Variants in CHRM1 observed in about 807,000 individuals in gnomAD.
The protein encoded by CHRM1 is muscarinic acetylcholine receptor M1.
CHRM1 carries 5 observed loss-of-function variants against 31.6 expected under a neutral mutation model. The ratio of observed to expected loss-of-function variants is 0.16; its 90% CI spans 0.08 to 0.33. CHRM1 has a LOEUF of 0.33. CHRM1 is among the 10% of genes least tolerant of loss of function. The pLI is 1.00. For missense variants in CHRM1, 338 were observed against 610.3 expected, an observed-to-expected ratio of 0.55 and a Z score of 4.70; for synonymous variants, 227 against 249.7, an observed-to-expected ratio of 0.91 and a Z score of 0.86.
In CHRM1 at chr11:62,909,590, G is replaced by T; in HGVS notation, c.*128C>A. 8.5e-7 allele frequency: 1 copy of T among 1,174,540 alleles called. No individual in the cohort carries two copies. Among genetic ancestry groups the T allele is most frequent in the Non-Finnish European group, 1.2e-6 (1 of 836,238 alleles). 72.8% of individuals were successfully genotyped at this position (1,174,540 alleles called of 1,614,324 possible). On this transcript the variant is annotated 3_prime_UTR_variant, in exon 2 of 2. Coordinates refer to ENST00000306960, the MANE Select transcript of CHRM1 (RefSeq NM_000738.3). ...AGGGTCTCTCTGGGCTGCCCAGGAAGGTGACCCAGGGTCCTGGGAAGCCAG... is the reference window on the plus strand; with the variant it reads ...AGGGTCTCTCTGGGCTGCCCAGGAATGTGACCCAGGGTCCTGGGAAGCCAG...
In CHRM1 at chr11:62,910,253, C is replaced by A. The variant is rs772689016; in HGVS notation, c.848G>T (p.Gly283Val). 7 of 1,613,396 alleles carry A rather than the reference C, an allele frequency of 4.3e-6. No individual in the cohort carries two copies. The South Asian group carries it at 6.6e-5, about 15-fold the overall frequency. ...SWKEEEEEDE[G>V]SMESLTSSEG... ...TGAGGATGTGAGGGACTCCATGGAG[C>A]CTTCGTCCTCTTCCTCTTCTTCCTT... The change falls in exon 2 of 2, where the codon GGC becomes GTC. Residue 283 changes from glycine to valine, a missense_variant. Transcript: ENST00000306960. The surrounding 1 kb of genome is among the most constrained non-coding windows in gnomAD (Gnocchi z 8.7).
At chr11:62,912,940 T>G (rs2085879664) in intron 1 of CHRM1, among the ~76,000 whole-genome samples, 1 of 152,116 alleles carries the variant, frequency 6.6e-6, no homozygotes, top group Non-Finnish European at 1.5e-5. Context: ...CCTGGGTGGT[T>G]TGTGGCTGAG....
chr11:62,920,522 G>C (rs1305284728), intron 1 of CHRM1, among the ~76,000 whole-genome samples: 3 of 152,128 alleles, frequency 2.0e-5, no homozygotes, highest in African/African-American at 7.2e-5. Context: ...GGGAGCCCAA[G>C]ATACTAGAAA....
rs1467731215 is a variant in CHRM1 at position 62,909,965 on chromosome 11, G to A, written c.1136C>T (p.Thr379Ile). 6.2e-7 allele frequency: 1 copy of A among 1,614,196 alleles called. No homozygotes were observed. Among genetic ancestry groups the A allele is most frequent in the Non-Finnish European group, 8.5e-7 (1 of 1,180,024 alleles). Reference protein sequence around the residue: ...AILLAFILTWTPYNIMVLVST... With the variant: ...AILLAFILTWIPYNIMVLVST... ...CACCAGCACCATGATGTTGTACGGT[G>A]TCCAGGTGAGGATGAAGGCCAGGAG... The change falls in exon 2 of 2, where the codon ACA becomes ATA. Residue 379 changes from threonine (T) to isoleucine (I), a missense_variant. Physicochemically the swap from Thr to Ile is moderately conservative, Grantham distance 89. Transcript: ENST00000306960.
chr11:62,915,673 G>A (rs995610696), intron 1 of CHRM1, among the ~76,000 whole-genome samples: 47 of 152,248 alleles, frequency 3.1e-4, no homozygotes, highest in African/African-American at 1.0e-3. Context: ...AGCCTTCCTT[G>A]CTGTGTGACC....
intron 1 of CHRM1, among the ~76,000 whole-genome samples, chr11:62,915,514 T>A (rs1333942176): frequency 6.6e-6 from 1 of 152,206 alleles, no homozygotes; most frequent in Non-Finnish European, 1.5e-5. Context: ...CTATTTGATT[T>A]AAAAAAATAT....
intron 1 of CHRM1, chr11:62,916,919 T>C (rs1437047940): frequency 1.3e-5 from 2 of 152,262 alleles, no homozygotes; most frequent in African/African-American, 2.4e-5. Context: ...TTCCAGAGAA[T>C]TGGAACCTGA....
Position 62,910,112 on chromosome 11 carries a change from G to T in CHRM1, c.989C>A (p.Thr330Asn). Residue 330 changes from threonine to asparagine, a missense_variant, in exon 2 of 2, where the codon ACT becomes AAT. Thr to Asn is a moderately conservative substitution (Grantham distance 65). Transcript: ENST00000306960. The surrounding 1 kb of genome is among the most constrained non-coding windows in gnomAD (Gnocchi z 8.7). Reference protein sequence around the residue: ...RSSPNTVKRPTKKGRDRAGKG... With the variant: ...RSSPNTVKRPNKKGRDRAGKG... ...GCCAGCTCGATCACGCCCTTTCTTA[G>T]TCGGCCTCTTGACTGTATTTGGGGA... 1 of 1,611,438 alleles carries T rather than the reference G, an allele frequency of 6.2e-7. No homozygotes were observed. The highest frequency in any genetic ancestry group is 1.1e-5 in the South Asian group (1 of 90,830).
intron 1 of CHRM1, among the ~76,000 whole-genome samples, chr11:62,914,028 C>T (rs1338211895): frequency 4.6e-5 from 7 of 152,080 alleles, no homozygotes; most frequent in East Asian, 1.9e-4. Flanking sequence ...CTGCAACCTC[C>T]GCCTCCGGGT....
chr11:62,909,634 C>A lies in CHRM1; in HGVS notation c.*84G>T. On this transcript the variant is annotated 3_prime_UTR_variant, in exon 2 of 2. Transcript: ENST00000306960. ...AAGCCAGGTGAGGCCTGAGCAGGGC[C>A]CTGGGGCTGAGGATGCAGCCCCTGC... 6.6e-7 allele frequency: 1 copy of A among 1,514,176 alleles called. No homozygotes were observed. The highest frequency in any genetic ancestry group is 8.9e-7 in the Non-Finnish European group (1 of 1,117,544). 93.8% of individuals were successfully genotyped at this position (1,514,176 alleles called of 1,614,324 possible). A position where few individuals can be genotyped will look rare whatever the true frequency, so the allele number is the denominator to read the frequency against.
Position 62,910,408 on chromosome 11 carries a change from T to C in CHRM1, c.693A>G (p.Pro231=). 1.2e-6 allele frequency: 2 copies of C among 1,612,322 alleles called. No homozygotes were observed. Among genetic ancestry groups the C allele is most frequent in the Non-Finnish European group, 1.7e-6 (2 of 1,180,006 alleles). The change falls in exon 2 of 2, where the codon CCA becomes CCG. Residue 231 remains proline (P), a synonymous_variant. Transcript: ENST00000306960. This position sits in a 1 kb window ranked among gnomAD's most constrained non-coding sequence, Gnocchi z 8.7. Reference sequence around the variant, plus strand: ...TGCTGCTGCTGCCACCCCCTTTGCCTGGCGTCTCGGAGCCCTGAAGGGCTG... The same window carrying C: ...TGCTGCTGCTGCCACCCCCTTTGCCCGGCGTCTCGGAGCCCTGAAGGGCTG... ...ELAALQGSET[P]GKGGGSSSSS...
At chr11:62,916,185 C>G (rs1011386634) in intron 1 of CHRM1, among the ~76,000 whole-genome samples, 1 of 152,192 alleles carries the variant, frequency 6.6e-6, no homozygotes, top group Admixed American at 6.5e-5. Context: ...CTCCAGACCC[C>G]AGGCACGACC....
Position 62,909,666 on chromosome 11 carries a change from C to T in CHRM1, c.*52G>A, listed in dbSNP as rs1369008009. On this transcript the variant is annotated 3_prime_UTR_variant, in exon 2 of 2. Transcript: ENST00000306960. ...CTGAGGATGCAGCCCCTGCCCTCTT[C>T]CCACCGGCCTTTCCCGGGGACTGGG... 2 of 1,583,290 alleles carry T rather than the reference C, an allele frequency of 1.3e-6. No individual in the cohort carries two copies. The highest frequency in any genetic ancestry group is 8.6e-7 in the Non-Finnish European group (1 of 1,164,216).
chr11:62,910,426 A>C lies in CHRM1; in HGVS notation c.675T>G (p.Leu225=). The change falls in exon 2 of 2, where the codon CTT becomes CTG. Residue 225 remains leucine (L), a synonymous_variant. Coordinates refer to ENST00000306960, the MANE Select transcript of CHRM1 (RefSeq NM_000738.3). The surrounding 1 kb of genome is among the most constrained non-coding windows in gnomAD (Gnocchi z 8.7). ...TENRARELAA[L]QGSETPGKGG... ...CTTTGCCTGGCGTCTCGGAGCCCTG[A>C]AGGGCTGCCAGCTCCCGTGCTCGGT... 6.2e-7 allele frequency: 1 copy of C among 1,613,240 alleles called. No individual in the cohort carries two copies. The highest frequency in any genetic ancestry group is 1.1e-5 in the South Asian group (1 of 91,086).
At chr11:62,916,619 C>T (rs2085901687) in intron 1 of CHRM1, among the ~76,000 whole-genome samples, 1 of 152,246 alleles carries the variant, frequency 6.6e-6, no homozygotes, top group Admixed American at 6.5e-5. Flanking sequence ...TTAATGCCTC[C>T]TGGATGGCAG....
At chr11:62,918,576 G>A (rs562206235) in intron 1 of CHRM1, among the ~76,000 whole-genome samples, 274 of 152,280 alleles carry the variant, frequency 1.8e-3, no homozygotes, top group African/African-American at 5.8e-3. Flanking sequence ...AGTGGACCAA[G>A]GAAACCCTGC....
intron 1 of CHRM1, chr11:62,920,797 C>T (rs2075748): frequency 0.17 from 25,353 of 152,040 alleles, 2,524 homozygotes; most frequent in East Asian, 0.26. Context: ...GGGACTGGCA[C>T]CCCCATCAAG....
chr11:62,921,064 C>T (rs972894264), intron 1 of CHRM1, among the ~76,000 whole-genome samples, 154 bp downstream of exon 1: 1 of 152,082 alleles, frequency 6.6e-6, no homozygotes, highest in Non-Finnish European at 1.5e-5. Context: ...TACAGAGCCC[C>T]CTTGCCCTCT....
chr11:62,916,420 C>A (rs1288030176), intron 1 of CHRM1, among the ~76,000 whole-genome samples: 1 of 152,210 alleles, frequency 6.6e-6, no homozygotes. Flanking sequence ...CTAGCTATAA[C>A]TTTGGTGAAT....
Sources: gnomAD v4.1 joint callset for allele counts (sites outside exome capture counted in the v4.1 genomes callset) on GRCh38, gnomAD v4.1.1 for gene constraint, Gnocchi (gnomAD v3.1) non-coding constraint, MANE v1.5 for transcripts, NCBI Gene and HGNC (gene_info 2026-07-23, HGNC 2026-07-21) for gene names.